Variants in KLK6 observed in about 807,000 individuals in gnomAD.
The protein encoded by KLK6 is kallikrein-6.
KLK6 carries 16 observed loss-of-function variants against 21.7 expected under a neutral mutation model. The observed-to-expected ratio is 0.74, with a 90% CI of 0.50 to 1.12. KLK6 has a LOEUF of 1.12. Among genes scored for constraint, KLK6 ranks in the 50% most tolerant of loss-of-function variants. The probability of loss-of-function intolerance (pLI) is 0.00; values close to 1 mark genes in which losing one functional copy is unlikely to be tolerated. For synonymous variants in KLK6, 116 were observed against 120.1 expected, an observed-to-expected ratio of 0.97 and a Z score of 0.22; for missense variants, 276 against 304.6, an observed-to-expected ratio of 0.91 and a Z score of 0.70.
At chr19:50,966,964 T>C (rs1298765944) in intron 4 of KLK6, among the ~76,000 whole-genome samples, 2 of 152,226 alleles carry the variant, frequency 1.3e-5, no homozygotes, top group African/African-American at 4.8e-5. Flanking sequence ...TTTTTTGTTT[T>C]CTTTTTTTTA....
rs762215035 is a variant in KLK6, at chr19:50,962,089, C to G, written c.446-209G>C. ...CCCTCTTTCTATCATTCTTCCCCCC[C>G]ATTGGCTGTCTTCCTCATTAATAGT... On this transcript the variant is annotated intron_variant, in intron 5 of 6. Transcript: ENST00000310157. The G allele has an allele frequency of 2.0e-5, 10 of 509,412 alleles. No individual in the cohort carries two copies. The South Asian group carries it at 2.4e-4, about 12-fold the overall frequency. The allele number at this position is 509,412 out of a possible 1,614,324, so 31.6% of individuals were successfully genotyped here.
chr19:50,962,144 G>T, intron 5 of KLK6: 3 of 379,144 alleles, frequency 7.9e-6, no homozygotes, highest in African/African-American at 2.1e-5. Context: ...ATTTCCTATT[G>T]GTTTTCCTTT....
rs537572040 is a variant in KLK6 at position 50,960,448 on chromosome 19, C to T, written c.583-1132G>A. On this transcript the variant is annotated intron_variant, in intron 6 of 6. Coordinates refer to ENST00000310157, the MANE Select transcript of KLK6 (RefSeq NM_002774.4). ...CTGGATGGATGACAATGGAGGAAAC[C>T]CAAGTTAAAGTATTCGGGAGGGAGT... Among the ~76,000 whole-genome samples, 4 of 152,110 alleles carry T rather than the reference C, an allele frequency of 2.6e-5. No homozygotes were observed. In the East Asian group the frequency reaches 7.7e-4, roughly 29 times the overall value.
chr19:50,965,681 G>A (rs2090916044), intron 4 of KLK6, among the ~76,000 whole-genome samples: 1 of 152,216 alleles, frequency 6.6e-6, no homozygotes, highest in Non-Finnish European at 1.5e-5. Flanking sequence ...CTCGAATGTG[G>A]CACTTAGCAG....
At chr19:50,963,178 C>T (rs977336790) in intron 5 of KLK6, 124 bp downstream of exon 5, 6 of 1,342,336 alleles carry the variant, frequency 4.5e-6, no homozygotes, top group African/African-American at 4.4e-5. Flanking sequence ...GAAACCCTGT[C>T]CCATTGGTCC....
intron 5 of KLK6, 113 bp from the exon 6 acceptor site, chr19:50,961,993 A>C (rs981970206): frequency 8.9e-7 from 1 of 1,119,872 alleles, no homozygotes; most frequent in Admixed American, 2.8e-5. Context: ...CCTCTTTTCT[A>C]TTGGCACCCC....
intron 4 of KLK6, 34 bp from the exon 5 acceptor site, chr19:50,963,583 C>T (rs765058628): frequency 8.1e-6 from 13 of 1,607,798 alleles, no homozygotes; most frequent in African/African-American, 1.3e-5. Context: ...TCACCTGGAG[C>T]CCTTGGGCTG....
rs756334784 is a variant in KLK6 at position 50,968,124 on chromosome 19, A to T, written c.-8-12T>A. On this transcript the variant is annotated splice_polypyrimidine_tract_variant and intron_variant, in intron 2 of 6. Coordinates refer to ENST00000310157, the MANE Select transcript of KLK6 (RefSeq NM_002774.4). ...CTTCATGGCCGCTCCTGAGAGGGGA[A>T]GCCACATGGTCCATTAGTCACTGCC... The T allele has an allele frequency of 6.2e-7, 1 of 1,613,378 alleles. No individual in the cohort carries two copies. Among genetic ancestry groups the T allele is most frequent in the Non-Finnish European group, 8.5e-7 (1 of 1,179,410 alleles).
chr19:50,967,427 T>C, intron 3 of KLK6, 102 bp from the exon 4 acceptor site: 1 of 1,178,054 alleles, frequency 8.5e-7, no homozygotes, highest in Non-Finnish European at 1.2e-6. Flanking sequence ...CAGTGGCTTA[T>C]GCCTGTAATC....
At chr19:50,961,720 A>T (rs2090843744) in intron 6 of KLK6, 24 bp downstream of exon 6, 1 of 1,609,404 alleles carries the variant, frequency 6.2e-7, no homozygotes, top group African/African-American at 1.3e-5. Context: ...TGGCTGTGTA[A>T]GTGGCAGATC....
At position 50,968,229 on chromosome 19, in the gene KLK6, A is replaced by G. The variant is rs13345726; in HGVS notation, c.-8-117T>C. ...TGGCCTGCTATGGTCTCCTGCCTTG[A>G]CCTCTGTCCTTCCCATCTAGCCTCC... On this transcript the variant is annotated intron_variant, in intron 2 of 6. Transcript: ENST00000310157. 3,168 of 892,270 alleles carry G rather than the reference A, an allele frequency of 3.6e-3. 47 individuals are homozygous for G. The highest frequency in any genetic ancestry group is 0.034 in the African/African-American group (2,059 of 59,698). The allele number at this position is 892,270 out of a possible 1,614,324, so 55.3% of individuals were successfully genotyped here.
rs59358339 is a variant in KLK6 at position 50,963,792 on chromosome 19, C to A, written c.198-243G>T. On this transcript the variant is annotated intron_variant, in intron 4 of 6. Coordinates refer to ENST00000310157, the MANE Select transcript of KLK6 (RefSeq NM_002774.4). ...CTCTGAAGCATATCCAGAATCTGGC[C>A]ACATCTCACCTTTCCCACGGCTACC... The A allele has an allele frequency of 9.7e-6, 5 of 516,764 alleles. No individual in the cohort carries two copies. In the East Asian group the frequency reaches 1.4e-4, roughly 14 times the overall value. The allele number at this position is 516,764 out of a possible 1,614,324, so 32.0% of individuals were successfully genotyped here.
intron 4 of KLK6, among the ~76,000 whole-genome samples, chr19:50,964,697 T>C (rs2090898071): frequency 6.6e-6 from 1 of 152,180 alleles, no homozygotes; most frequent in African/African-American, 2.4e-5. Flanking sequence ...ACAGGATAGG[T>C]GTTTGATACA....
rs2090957161 is a variant in KLK6, at chr19:50,968,155, C to T, written c.-8-43G>A. The T allele has an allele frequency of 6.4e-6, 10 of 1,565,842 alleles. No homozygotes were observed. In the East Asian group the frequency reaches 2.2e-4, roughly 35 times the overall value. On this transcript the variant is annotated intron_variant, in intron 2 of 6. Transcript: ENST00000310157. ...ATGGTCCATTAGTCACTGCCTCGAC[C>T]CTCCCCCCATCCCTCTGTCTGCTCC...
At chr19:50,961,933 C>T (rs957949162) in intron 5 of KLK6, 53 bp from the exon 6 acceptor site, 3 of 1,578,356 alleles carry the variant, frequency 1.9e-6, no homozygotes, top group African/African-American at 2.8e-5. Context: ...CTCCCCTCAT[C>T]CTCCCCAGTC....
At chr19:50,965,201 C>T (rs1420517526) in intron 4 of KLK6, among the ~76,000 whole-genome samples, 1 of 152,048 alleles carries the variant, frequency 6.6e-6, no homozygotes, top group Admixed American at 6.6e-5. Context: ...CTCCTGGGCT[C>T]GAGTGATCCA....
rs1169069043 is a variant in KLK6, at chr19:50,959,320, C to T, written c.583-4G>A. 1 of 1,611,610 alleles carries T rather than the reference C, an allele frequency of 6.2e-7. No individual in the cohort carries two copies. Among genetic ancestry groups the T allele is most frequent in the Non-Finnish European group, 8.5e-7 (1 of 1,179,306 alleles). ...CCAGCGGACCCCCAGAATCACCCTGCAGGAAAGAGGGAGAAAGTCAGATAC... is the reference window on the plus strand; with the variant it reads ...CCAGCGGACCCCCAGAATCACCCTGTAGGAAAGAGGGAGAAAGTCAGATAC... On this transcript the variant is annotated splice_region_variant and splice_polypyrimidine_tract_variant and intron_variant, in intron 6 of 6. Transcript: ENST00000310157.
In KLK6 at chr19:50,960,062, GGGA is replaced by G. The variant is rs1241217577; in HGVS notation, c.583-749_583-747del. Among the ~76,000 whole-genome samples, 151 of 67,742 alleles carry G rather than the reference GGGA, an allele frequency of 2.2e-3. 1 individual carries two copies. Among genetic ancestry groups the G allele is most frequent in the African/African-American group, 9.8e-3 (100 of 10,246 alleles). The allele number at this position is 67,742 out of a possible 152,430, so 44.4% of individuals were successfully genotyped here. On this transcript the variant is annotated intron_variant, in intron 6 of 6. Transcript: ENST00000310157. The stretch of plus-strand genomic sequence containing the variant: ...ACGAGGAGGAGGAGGGAGAGGAGGG[GGGA>G]GGAGGAGGGGGAGGAGGAGGGGGAG...
intron 4 of KLK6, 31 bp downstream of exon 4, chr19:50,967,138 C>T: frequency 6.2e-7 from 1 of 1,613,506 alleles, no homozygotes; most frequent in Non-Finnish European, 8.5e-7. Flanking sequence ...GGTTCAGTCG[C>T]ATCTGCTGTT....
Sources: allele counts gnomAD v4.1 joint callset (sites outside exome capture counted in the v4.1 genomes callset), GRCh38; gene constraint gnomAD v4.1.1; transcripts MANE v1.5; gene names NCBI Gene and HGNC (gene_info 2026-07-23, HGNC 2026-07-21).